Variants in PDE6B observed in about 807,000 individuals in gnomAD.
PDE6B encodes the protein phosphodiesterase 6B.
Under a neutral mutation model 109.0 loss-of-function variants are expected in PDE6B, and 106 were observed. The ratio of observed to expected loss-of-function variants is 0.97; its 90% CI spans 0.83 to 1.14. PDE6B has a LOEUF of 1.14. Among genes scored for constraint, PDE6B ranks in the 50% most tolerant of loss-of-function variants. The pLI is 0.00. For synonymous variants in PDE6B, 490 were observed against 471.3 expected (o/e 1.04, Z -0.51); for missense variants, 1,193 against 1,155.6 (o/e 1.03, Z -0.47).
rs1212960611 is a variant in PDE6B, at chr4:635,023, G to A, written c.621+194G>A. On this transcript the variant is annotated intron_variant, in intron 2 of 21. Coordinates refer to ENST00000496514, the MANE Select transcript of PDE6B (RefSeq NM_000283.4). ...TGTCTGCCTCCTTACCTGCCTGCCCGCGTGTTCTGTGCTGCGCGTCCACCT... is the reference window on the plus strand; with the variant it reads ...TGTCTGCCTCCTTACCTGCCTGCCCACGTGTTCTGTGCTGCGCGTCCACCT... 0.014 allele frequency among the ~76,000 whole-genome samples: 1,762 copies of A among 128,186 alleles called. 18 individuals are homozygous for A. The highest frequency in any genetic ancestry group is 0.02 in the Middle Eastern group (5 of 246). The allele number at this position is 128,186 out of a possible 152,430, so 84.1% of individuals were successfully genotyped here.
At chr4:658,674 G>A (rs1309854822) in intron 10 of PDE6B, among the ~76,000 whole-genome samples, 1 of 152,178 alleles carries the variant, frequency 6.6e-6, no homozygotes, top group African/African-American at 2.4e-5. Context: ...CCAGCCAGGG[G>A]CCTTGCATGG....
chr4:659,514 TGTAG>T (rs1373392454), intron 11 of PDE6B, among the ~76,000 whole-genome samples: 2 of 150,670 alleles, frequency 1.3e-5, no homozygotes, highest in Non-Finnish European at 3.0e-5. Flanking sequence ...TGTGTGTGCA[TGTAG>T]GTGTGTGTGC....
Position 670,128 on chromosome 4 carries a change from C to T in PDE6B, c.*21C>T, listed in dbSNP as rs371005251. On this transcript the variant is annotated 3_prime_UTR_variant, in exon 22 of 22. Transcript: ENST00000496514. ...TGTGAGCACTGGTCCCATGGGGACC[C>T]TATGGCTCCCTCAATCTTCACCCAC... 2,526 of 1,609,744 alleles carry T rather than the reference C, an allele frequency of 1.6e-3. 68 individuals are homozygous for T. The South Asian group carries it at 0.026, about 17-fold the overall frequency.
intron 3 of PDE6B, among the ~76,000 whole-genome samples, chr4:643,889 T>G (rs1233231020): frequency 6.6e-6 from 1 of 151,298 alleles, no homozygotes; most frequent in Non-Finnish European, 1.5e-5. Flanking sequence ...TGACAGGTTG[T>G]ATATTTTTAT....
chr4:650,227 G>A (rs1403741863), intron 3 of PDE6B, among the ~76,000 whole-genome samples: 1 of 152,230 alleles, frequency 6.6e-6, no homozygotes, highest in African/African-American at 2.4e-5. Context: ...AAGGGGGTAG[G>A]TCCCACCCAG....
In PDE6B at chr4:665,744, C is replaced by T. The variant is rs1230030648; in HGVS notation, c.2268+415C>T. On this transcript the variant is annotated intron_variant, in intron 19 of 21. Coordinates refer to ENST00000496514, the MANE Select transcript of PDE6B (RefSeq NM_000283.4). The surrounding 1 kb of genome is among the most constrained non-coding windows in gnomAD (Gnocchi z 4.0). ...AATGCCAGGGTCCTCAGGTCAGCAG[C>T]GGGGTCTGGATACCTCCTGGCAGCA... Among the ~76,000 whole-genome samples, 2 of 152,186 alleles carry T rather than the reference C, an allele frequency of 1.3e-5. No individual in the cohort carries two copies. The highest frequency in any genetic ancestry group is 6.5e-5 in the Admixed American group (1 of 15,284).
chr4:649,956 G>A (rs1183994639), intron 3 of PDE6B, among the ~76,000 whole-genome samples: 1 of 152,198 alleles, frequency 6.6e-6, no homozygotes, highest in Non-Finnish European at 1.5e-5. Context: ...TACACGGGGT[G>A]GCCACCGCTG....
intron 11 of PDE6B, among the ~76,000 whole-genome samples, chr4:659,860 C>T (rs115521174): frequency 1.8e-3 from 281 of 152,280 alleles, no homozygotes; most frequent in African/African-American, 6.5e-3. Flanking sequence ...TATGTGGTGT[C>T]CCCATCACCC....
chr4:649,011 G>C (rs2109168485), intron 3 of PDE6B, among the ~76,000 whole-genome samples: 1 of 152,324 alleles, frequency 6.6e-6, no homozygotes, highest in East Asian at 1.9e-4. Context: ...GTCCACACCG[G>C]GCAGTGGCGG....
chr4:668,224 T>C lies in PDE6B; in HGVS notation c.2503+218T>C, dbSNP rs556739634. 3.3e-5 allele frequency among the ~76,000 whole-genome samples: 5 copies of C among 152,070 alleles called. No homozygotes were observed. In the South Asian group the frequency reaches 1.0e-3, roughly 31 times the overall value. On this transcript the variant is annotated intron_variant, in intron 21 of 21. Transcript: ENST00000496514. ...CAAACCCGGACTGAAAAATTTCCTC[T>C]GTTCCTAGCCAGTGAACCCCATTTT...
chr4:647,871 G>A lies in PDE6B; in HGVS notation c.712-5981G>A, dbSNP rs901272384. ...GCAGATCACCTGAGGTCAGGAGTTC[G>A]AGACCAGCCTGGCCAAAATGGTGAA... On this transcript the variant is annotated intron_variant, in intron 3 of 21. Transcript: ENST00000496514. Among the ~76,000 whole-genome samples the A allele has an allele frequency of 5.3e-5, 8 of 151,914 alleles. 1 individual carries two copies. Among genetic ancestry groups the A allele is most frequent in the African/African-American group, 1.5e-4 (6 of 41,228 alleles).
intron 5 of PDE6B, chr4:654,460 TGC>T: frequency 3.3e-6 from 2 of 600,668 alleles, no homozygotes; most frequent in Non-Finnish European, 3.0e-6. Context: ...ACGTGTAGGA[TGC>T]GTGTGTGTGT....
rs1560137912 is a variant in PDE6B, at chr4:665,423, C to A, written c.2268+94C>A. The A allele has an allele frequency of 1.2e-6, 1 of 861,624 alleles. No homozygotes were observed. Among genetic ancestry groups the A allele is most frequent in the Non-Finnish European group, 2.0e-6 (1 of 509,262 alleles). The allele number at this position is 861,624 out of a possible 1,614,324, so 53.4% of individuals were successfully genotyped here. A position where few individuals can be genotyped will look rare whatever the true frequency, so the allele number is the denominator to read the frequency against. Reference sequence around the variant, plus strand: ...CCTCAGGTCCTGGCTTGGTCTCAGGCAGGGGGTTCTGAGGTCGTGGGGTCC... The same window carrying A: ...CCTCAGGTCCTGGCTTGGTCTCAGGAAGGGGGTTCTGAGGTCGTGGGGTCC... On this transcript the variant is annotated intron_variant, in intron 19 of 21. Coordinates refer to ENST00000496514, the MANE Select transcript of PDE6B (RefSeq NM_000283.4). This position sits in a 1 kb window ranked among gnomAD's most constrained non-coding sequence, Gnocchi z 4.0.
At chr4:655,268 A>T (rs1736081119) in intron 6 of PDE6B, 1 of 328,914 alleles carries the variant, frequency 3.0e-6, no homozygotes, top group Non-Finnish European at 5.8e-6. Flanking sequence ...GCCTCCAGCC[A>T]GGAGGCCGAG....
At position 670,179 on chromosome 4, in the gene PDE6B, A is replaced by G. The variant is rs1198251119; in HGVS notation, c.*72A>G. Reference sequence around the variant, plus strand: ...TAGGATTTGGGTTCTGCCTGTGGCTATTTGCTACAAGAGGTTAGGAAGCCC... The same window carrying G: ...TAGGATTTGGGTTCTGCCTGTGGCTGTTTGCTACAAGAGGTTAGGAAGCCC... On this transcript the variant is annotated 3_prime_UTR_variant, in exon 22 of 22. Transcript: ENST00000496514. The G allele has an allele frequency of 1.9e-6, 3 of 1,604,062 alleles. No individual in the cohort carries two copies. The highest frequency in any genetic ancestry group is 4.5e-5 in the East Asian group (2 of 44,458).
rs956774732 is a variant in PDE6B, at chr4:662,112, T to C, written c.1615-22T>C. The C allele has an allele frequency of 1.0e-5, 13 of 1,267,580 alleles. No individual in the cohort carries two copies. Among genetic ancestry groups the C allele is most frequent in the Non-Finnish European group, 1.5e-5 (13 of 887,070 alleles). 78.5% of individuals were successfully genotyped at this position (1,267,580 alleles called of 1,614,324 possible). On this transcript the variant is annotated intron_variant, in intron 12 of 21. Transcript: ENST00000496514. The surrounding 1 kb of genome is among the most constrained non-coding windows in gnomAD (Gnocchi z 4.3). ...ACTTACACGCTTGCCGCCGGAGCCC[T>C]GTGTCCTCTCGGCTCCCCCAGGTCC...
rs781570484 is a variant in PDE6B, at chr4:657,342, C to A, written c.1258-9C>A. 3 of 1,612,750 alleles carry A rather than the reference C, an allele frequency of 1.9e-6. No homozygotes were observed. Among genetic ancestry groups the A allele is most frequent in the Non-Finnish European group, 2.5e-6 (3 of 1,179,776 alleles). On this transcript the variant is annotated splice_polypyrimidine_tract_variant and intron_variant, in intron 9 of 21. Transcript: ENST00000496514. ...CGCTGAGCGCCAGTGACACTGCCATCCCCTCCAGTCCCTGACACAGTTCCT... is the reference window on the plus strand; with the variant it reads ...CGCTGAGCGCCAGTGACACTGCCATACCCTCCAGTCCCTGACACAGTTCCT...
At chr4:656,397 C>A in intron 8 of PDE6B, 105 bp downstream of exon 8, 1 of 830,248 alleles carries the variant, frequency 1.2e-6, no homozygotes, top group Non-Finnish European at 2.1e-6. Flanking sequence ...AAAACAACTT[C>A]AGCCAGGCAT....
chr4:663,061 C>A lies in PDE6B; in HGVS notation c.1833-39C>A. 8.5e-7 allele frequency: 1 copy of A among 1,177,886 alleles called. No individual in the cohort carries two copies. Among genetic ancestry groups the A allele is most frequent in the Non-Finnish European group, 1.3e-6 (1 of 781,332 alleles). The allele number at this position is 1,177,886 out of a possible 1,614,324, so 73.0% of individuals were successfully genotyped here. A position where few individuals can be genotyped will look rare whatever the true frequency, so the allele number is the denominator to read the frequency against. On this transcript the variant is annotated intron_variant, in intron 14 of 21. Transcript: ENST00000496514. The surrounding 1 kb of genome is among the most constrained non-coding windows in gnomAD (Gnocchi z 4.0). ...TGCAGAGCGCAGGGTGGGCCAAGGG[C>A]AGGTCCCACGGGCCTCACCTCCACC...
Sources: allele counts gnomAD v4.1 joint callset (sites outside exome capture counted in the v4.1 genomes callset), GRCh38; gene constraint gnomAD v4.1.1; non-coding constraint Gnocchi (gnomAD v3.1); transcripts MANE v1.5; gene names NCBI Gene and HGNC (gene_info 2026-07-23, HGNC 2026-07-21).